TK2: variants seen among roughly 807,000 people sequenced by gnomAD.
TK2 encodes thymidine kinase 2, mitochondrial.
Under a neutral mutation model 41.9 loss-of-function variants are expected in TK2, and 35 were observed. That is an observed-to-expected ratio of 0.84 (90% CI 0.64 to 1.11). TK2 has a LOEUF of 1.11. TK2 is among the 50% of genes least tolerant of loss of function. The pLI is 0.00. For missense variants in TK2, 320 were observed against 351.1 expected, an observed-to-expected ratio of 0.91 and a Z score of 0.71; for synonymous variants, 128 against 129.1, an observed-to-expected ratio of 0.99 and a Z score of 0.06.
At chr16:66,542,095 C>T (rs1048744853) in intron 2 of TK2, 142 bp from the exon 3 acceptor site, 12 of 849,420 alleles carry the variant, frequency 1.4e-5, no homozygotes, top group South Asian at 7.0e-5. Flanking sequence ...AATCCCTCCT[C>T]GGGAAACTGG....
At chr16:66,544,380 C>T (rs1446323096) in intron 2 of TK2, among the ~76,000 whole-genome samples, 1 of 152,154 alleles carries the variant, frequency 6.6e-6, no homozygotes. Context: ...ACCCATAATC[C>T]CAATACTAAG....
At chr16:66,544,806 G>A (rs917664502) in intron 2 of TK2, among the ~76,000 whole-genome samples, 1 of 152,192 alleles carries the variant, frequency 6.6e-6, no homozygotes, top group Admixed American at 6.5e-5. Context: ...CATTCTCAGT[G>A]GCCAGGCGCA....
At chr16:66,512,724 A>T (rs567078988) in intron 9 of TK2, among the ~76,000 whole-genome samples, 4 of 152,366 alleles carry the variant, frequency 2.6e-5, no homozygotes, top group African/African-American at 9.6e-5. Flanking sequence ...CAGAGGTTGC[A>T]GCGAGCCGAG....
At chr16:66,528,749 A>T (rs1382191829) in intron 6 of TK2, among the ~76,000 whole-genome samples, 1 of 152,182 alleles carries the variant, frequency 6.6e-6, no homozygotes, top group African/African-American at 2.4e-5. Context: ...TGATCCCCAG[A>T]CATCTCATTG....
At chr16:66,547,256 G>A (rs1965637813) in intron 2 of TK2, among the ~76,000 whole-genome samples, 1 of 152,072 alleles carries the variant, frequency 6.6e-6, no homozygotes, top group African/African-American at 2.4e-5. Flanking sequence ...TCAGCTGCGG[G>A]CTCTGTGCCA....
At chr16:66,528,163 A>G (rs1406107458) in intron 6 of TK2, among the ~76,000 whole-genome samples, 1 of 152,132 alleles carries the variant, frequency 6.6e-6, no homozygotes. Flanking sequence ...GAGTGGGAGG[A>G]AGGGCCTCCA....
chr16:66,519,327 C>T (rs183402628), intron 6 of TK2, among the ~76,000 whole-genome samples: 344 of 152,166 alleles, frequency 2.3e-3, no homozygotes, highest in Middle Eastern at 0.01. Flanking sequence ...TACAGGTGTG[C>T]GCCACCATGC....
At chr16:66,531,939 A>G (rs1965127345) in intron 4 of TK2, among the ~76,000 whole-genome samples, 1 of 152,118 alleles carries the variant, frequency 6.6e-6, no homozygotes, top group African/African-American at 2.4e-5. Context: ...GATGGCAACA[A>G]TAGACACTGG....
Position 66,511,903 on chromosome 16 carries a change from G to T in TK2, c.*65C>A. Reference sequence around the variant, plus strand: ...TCCTGGGAGCAAGTTTTTCCAGATTGCTCCCAATAGCTAACTTGGCAGCAG... The same window carrying T: ...TCCTGGGAGCAAGTTTTTCCAGATTTCTCCCAATAGCTAACTTGGCAGCAG... On this transcript the variant is annotated 3_prime_UTR_variant, in exon 10 of 10. Transcript: ENST00000544898. 6.8e-7 allele frequency: 1 copy of T among 1,470,094 alleles called. No individual in the cohort carries two copies. 91.1% of individuals were successfully genotyped at this position (1,470,094 alleles called of 1,614,324 possible).
intron 8 of TK2, among the ~76,000 whole-genome samples, chr16:66,516,291 C>A (rs530533117): frequency 6.6e-6 from 1 of 152,296 alleles, no homozygotes; most frequent in Non-Finnish European, 1.5e-5. Flanking sequence ...TGCAAAGGCA[C>A]ATTTGCATAA....
intron 6 of TK2, among the ~76,000 whole-genome samples, chr16:66,522,351 T>A (rs891823492): frequency 6.6e-6 from 1 of 152,022 alleles, no homozygotes; most frequent in African/African-American, 2.4e-5. Context: ...TTACTCAGTG[T>A]CCCCAACCAC....
At chr16:66,549,700 T>C in intron 1 of TK2, 1 of 1,258,354 alleles carries the variant, frequency 7.9e-7, no homozygotes. Context: ...AGCGTGTCCG[T>C]CCTGCTCTTT....
chr16:66,513,247 G>A (rs1048255397), intron 9 of TK2, among the ~76,000 whole-genome samples: 1 of 152,164 alleles, frequency 6.6e-6, no homozygotes, highest in African/African-American at 2.4e-5. Flanking sequence ...ACACAGGAAC[G>A]CAGAGACATT....
intron 4 of TK2, among the ~76,000 whole-genome samples, chr16:66,532,112 A>T (rs1341326999): frequency 6.6e-6 from 1 of 151,152 alleles, no homozygotes; most frequent in Admixed American, 6.6e-5. Flanking sequence ...TAAAAGTAAA[A>T]TAAAAGTTGA....
In TK2 at chr16:66,517,948, A is replaced by C. The variant is rs1399277138; in HGVS notation, c.450-71T>G. On this transcript the variant is annotated intron_variant, in intron 6 of 9. Coordinates refer to ENST00000544898, the MANE Select transcript of TK2 (RefSeq NM_004614.5). This position sits in a 1 kb window ranked among gnomAD's most constrained non-coding sequence, Gnocchi z 4.3. ...TGGGCTATGCAATTCCCCCAAAAGG[A>C]TCTTGAGACGGCTCTCAATGAAAGG... The C allele has an allele frequency of 7.8e-7, 1 of 1,283,130 alleles. No individual in the cohort carries two copies. Among genetic ancestry groups the C allele is most frequent in the Non-Finnish European group, 1.1e-6 (1 of 878,412 alleles). 79.5% of individuals were successfully genotyped at this position (1,283,130 alleles called of 1,614,324 possible). A position where few individuals can be genotyped will look rare whatever the true frequency, so the allele number is the denominator to read the frequency against.
At chr16:66,512,104 C>A (rs780429968) in intron 9 of TK2, 38 bp from the exon 10 acceptor site, 17 of 1,555,706 alleles carry the variant, frequency 1.1e-5, no homozygotes, top group Admixed American at 3.3e-5. Context: ...GCTGCACTGA[C>A]CTCAGCAGCA....
In TK2 at chr16:66,517,775, G is replaced by A; in HGVS notation, c.538+14C>T. The A allele has an allele frequency of 6.2e-7, 1 of 1,610,922 alleles. No individual in the cohort carries two copies. Among genetic ancestry groups the A allele is most frequent in the Non-Finnish European group, 8.5e-7 (1 of 1,177,060 alleles). On this transcript the variant is annotated intron_variant, in intron 7 of 9. Transcript: ENST00000544898. The surrounding 1 kb of genome is among the most constrained non-coding windows in gnomAD (Gnocchi z 4.3). ...AGAGAGACAAGAGAGGGAGGTGGGA[G>A]GGGTGCATCTCACCTATCAAATCAA...
chr16:66,530,622 C>T (rs1965080348), intron 5 of TK2, among the ~76,000 whole-genome samples: 1 of 152,150 alleles, frequency 6.6e-6, no homozygotes, highest in Non-Finnish European at 1.5e-5. Context: ...GCATTCGAGT[C>T]ACCTGGAGGG....
At chr16:66,527,097 C>T (rs1429872193) in intron 6 of TK2, among the ~76,000 whole-genome samples, 6 of 152,178 alleles carry the variant, frequency 3.9e-5, no homozygotes, top group African/African-American at 1.4e-4. Flanking sequence ...AGCTGAGGAC[C>T]GCAGAGGGCT....
Sources: gnomAD v4.1 joint callset for allele counts (sites outside exome capture counted in the v4.1 genomes callset) on GRCh38, gnomAD v4.1.1 for gene constraint, Gnocchi (gnomAD v3.1) non-coding constraint, MANE v1.5 for transcripts, NCBI Gene and HGNC (gene_info 2026-07-23, HGNC 2026-07-21) for gene names.